The following FRAS1 variants were observed in gnomAD, a reference collection of about 807,000 sequenced individuals.
FRAS1 encodes the protein Fraser extracellular matrix complex subunit 1.
A neutral mutation model predicts 435.2 loss-of-function variants in FRAS1; 290 were observed. The observed-to-expected ratio is 0.67, with a 90% CI of 0.61 to 0.73. The LOEUF is 0.73. Among genes scored for constraint, FRAS1 ranks in the 30% least tolerant of loss-of-function variants. The pLI, the probability that FRAS1 is intolerant of heterozygous loss-of-function variation, is 0.00. For synonymous variants in FRAS1, 1,800 were observed against 1,851.0 expected, an observed-to-expected ratio of 0.97 and a Z score of 0.71; for missense variants, 4,860 against 5,001.5, an observed-to-expected ratio of 0.97 and a Z score of 0.85.
At chr4:78,496,293 C>A (rs544781171) in intron 59 of FRAS1, among the ~76,000 whole-genome samples, 2 of 152,112 alleles carry the variant, frequency 1.3e-5, no homozygotes, top group Non-Finnish European at 2.9e-5. Flanking sequence ...GCAGCAGATT[C>A]GAAAATTCTT....
chr4:78,281,624 A>G (rs1158745137), intron 11 of FRAS1, among the ~76,000 whole-genome samples, 191 bp downstream of exon 11: 1 of 152,206 alleles, frequency 6.6e-6, no homozygotes, highest in Admixed American at 6.5e-5. Context: ...CTCTTTAGCC[A>G]GTTGTTTTAT....
At chr4:78,169,024 G>A (rs113352712) in intron 2 of FRAS1, among the ~76,000 whole-genome samples, 4 of 152,068 alleles carry the variant, frequency 2.6e-5, no homozygotes, top group African/African-American at 9.7e-5. Context: ...ATTGTGATCC[G>A]GGCTGGGATT....
chr4:78,456,499 T>A (rs1411082806), intron 47 of FRAS1, among the ~76,000 whole-genome samples: 1 of 152,168 alleles, frequency 6.6e-6, no homozygotes. Flanking sequence ...AGCTGTGAGG[T>A]GGCTGGAGAA....
chr4:78,441,408 A>G (rs1336902913), intron 41 of FRAS1, 111 bp downstream of exon 41: 1 of 1,022,484 alleles, frequency 9.8e-7, no homozygotes. Context: ...GAGGGGAACC[A>G]TTTCAAAGAA....
intron 2 of FRAS1, among the ~76,000 whole-genome samples, chr4:78,118,748 C>A (rs1718822080): frequency 6.6e-6 from 1 of 152,182 alleles, no homozygotes; most frequent in African/African-American, 2.4e-5. Context: ...AAGGGAATTC[C>A]CTGACCCCTT....
intron 14 of FRAS1, among the ~76,000 whole-genome samples, chr4:78,298,526 A>G (rs970783949): frequency 6.6e-6 from 1 of 151,360 alleles, no homozygotes; most frequent in African/African-American, 2.5e-5. Context: ...TCTTTTGTGT[A>G]ATATATAAAA....
At chr4:78,133,599 A>G (rs899585468) in intron 2 of FRAS1, among the ~76,000 whole-genome samples, 5 of 152,232 alleles carry the variant, frequency 3.3e-5, no homozygotes, top group Admixed American at 3.3e-4. Context: ...ATTATTACAC[A>G]TTGCCTGCCT....
intron 15 of FRAS1, among the ~76,000 whole-genome samples, chr4:78,314,096 TTTC>T (rs373034237): frequency 9.2e-5 from 14 of 152,204 alleles, no homozygotes; most frequent in East Asian, 1.9e-4. Flanking sequence ...CTAGTTTTTT[TTTC>T]TTCTTCTTCT....
chr4:78,141,282 C>G (rs921993444), intron 2 of FRAS1, among the ~76,000 whole-genome samples: 25 of 152,036 alleles, frequency 1.6e-4, no homozygotes, highest in African/African-American at 6.0e-4. Context: ...GCTTATTACT[C>G]CTAGCATACA....
intron 70 of FRAS1, among the ~76,000 whole-genome samples, chr4:78,530,855 G>T (rs1485911932): frequency 6.6e-6 from 1 of 152,170 alleles, no homozygotes; most frequent in Non-Finnish European, 1.5e-5. Flanking sequence ...ATTTAAAGTA[G>T]TTTTTTCTAA....
chr4:78,472,476 C>A (rs1164392540), intron 52 of FRAS1, 146 bp downstream of exon 52: 6 of 593,394 alleles, frequency 1.0e-5, no homozygotes, highest in Non-Finnish European at 1.6e-5. Flanking sequence ...AACCATCCAA[C>A]TTAAGAATTT....
chr4:78,453,938 T>C (rs2627649), intron 47 of FRAS1, among the ~76,000 whole-genome samples: 114,425 of 151,994 alleles, frequency 0.75, 43,575 homozygotes, highest in African/African-American at 0.84. Flanking sequence ...ACCAGGCAAA[T>C]GGAAAAATGG....
intron 15 of FRAS1, among the ~76,000 whole-genome samples, 159 bp from the exon 16 acceptor site, chr4:78,315,435 T>G (rs1211433394): frequency 6.6e-6 from 1 of 152,026 alleles, no homozygotes; most frequent in Non-Finnish European, 1.5e-5. Context: ...AAGCACAGAG[T>G]CCGATGAAAT....
In FRAS1 at chr4:78,481,913, C is replaced by T. The variant is rs1241679858; in HGVS notation, c.8553C>T (p.Asp2851=). 1 of 1,613,920 alleles carries T rather than the reference C, an allele frequency of 6.2e-7. No homozygotes were observed. Among genetic ancestry groups the T allele is most frequent in the Non-Finnish European group, 8.5e-7 (1 of 1,179,840 alleles). ...CAGCTTCTGCCACACCAGGAGTTGA[C>T]TACGTTCCCAGCTCTCGGAAGGTGG... is the stretch of plus-strand genomic sequence containing the variant. The part of the protein sequence containing the change: ...SDPASATPGV[D]YVPSSRKVEF... Residue 2851 remains aspartate (D), a synonymous_variant, in exon 57 of 74, where the codon GAC becomes GAT. Transcript: ENST00000512123.
Position 78,485,506 on chromosome 4 carries a change from T to C in FRAS1, c.8752+2971T>C, listed in dbSNP as rs116712046. 8.1e-3 allele frequency among the ~76,000 whole-genome samples: 1,227 copies of C among 152,328 alleles called. 19 individuals carry two copies. The highest frequency in any genetic ancestry group is 0.028 in the African/African-American group (1,171 of 41,580). On this transcript the variant is annotated intron_variant, in intron 58 of 73. Coordinates refer to ENST00000512123, the MANE Select transcript of FRAS1 (RefSeq NM_025074.7). The stretch of plus-strand genomic sequence containing the variant: ...GCTACAGCAATATGTGTTTAATCAA[T>C]AACTTATCCCAGAGAAAGAAATCCC...
intron 2 of FRAS1, among the ~76,000 whole-genome samples, chr4:78,171,592 G>A (rs559010971): frequency 3.9e-5 from 6 of 152,050 alleles, no homozygotes; most frequent in South Asian, 2.1e-4. Flanking sequence ...CAGCTTCCAC[G>A]GGGACTCCCT....
intron 2 of FRAS1, among the ~76,000 whole-genome samples, chr4:78,083,285 T>A (rs1319622790): frequency 6.6e-6 from 1 of 152,060 alleles, no homozygotes; most frequent in South Asian, 2.1e-4. Context: ...TTCTGGATAA[T>A]GAAAGGTGAA....
chr4:78,473,454 G>A lies in FRAS1; in HGVS notation c.7539G>A (p.Gly2513=). The change falls in exon 53 of 74, where the codon GGG becomes GGA. Residue 2513 remains glycine (G), a synonymous_variant. Transcript: ENST00000512123. ...TTCTCACAGAGGATGTGAACTTGGG[G>A]TTGATTCGTTATGTGTTGCACAAGG... The part of the protein sequence containing the change: ...ATFTQEDVNL[G]LIRYVLHKEK... The A allele has an allele frequency of 3.1e-6, 5 of 1,612,692 alleles. No homozygotes were observed. Among genetic ancestry groups the A allele is most frequent in the Non-Finnish European group, 4.2e-6 (5 of 1,179,250 alleles).
intron 2 of FRAS1, among the ~76,000 whole-genome samples, chr4:78,073,248 A>G (rs139769396): frequency 6.6e-6 from 1 of 152,314 alleles, no homozygotes; most frequent in Admixed American, 6.5e-5. Context: ...GAGAGGAATA[A>G]TACAAGAGAT....
Sources: gnomAD v4.1 joint callset for allele counts (sites outside exome capture counted in the v4.1 genomes callset) on GRCh38, gnomAD v4.1.1 for gene constraint, MANE v1.5 for transcripts, NCBI Gene and HGNC (gene_info 2026-07-23, HGNC 2026-07-21) for gene names.